NSMCE2: variants seen among roughly 807,000 people sequenced by gnomAD.
The protein encoded by NSMCE2 is NSE2 SUMO ligase component of SMC5/6 complex.
A neutral mutation model predicts 23.8 loss-of-function variants in NSMCE2; 24 were observed. The ratio of observed to expected loss-of-function variants is 1.01; its 90% CI spans 0.73 to 1.42. NSMCE2 has a LOEUF of 1.42. Ranked by LOEUF, NSMCE2 falls within the 40% of genes most tolerant of loss-of-function variation. The pLI, the probability that NSMCE2 is intolerant of heterozygous loss-of-function variation, is 0.00. For missense variants in NSMCE2, 284 were observed against 296.5 expected, an observed-to-expected ratio of 0.96 and a Z score of 0.31; for synonymous variants, 92 against 94.1, an observed-to-expected ratio of 0.98 and a Z score of 0.13.
At chr8:125,113,393 C>T (rs1156326371) in intron 3 of NSMCE2, among the ~76,000 whole-genome samples, 2 of 152,044 alleles carry the variant, frequency 1.3e-5, no homozygotes, top group African/African-American at 4.8e-5. Context: ...GAGGCTGAGG[C>T]AGGAGAAGCC....
At chr8:125,123,232 C>T (rs183137858) in intron 3 of NSMCE2, among the ~76,000 whole-genome samples, 1 of 152,246 alleles carries the variant, frequency 6.6e-6, no homozygotes, top group East Asian at 1.9e-4. Flanking sequence ...ACTGAAAAAT[C>T]TTACCTATAA....
At chr8:125,279,399 A>G (rs1484642057) in intron 5 of NSMCE2, among the ~76,000 whole-genome samples, 2 of 152,238 alleles carry the variant, frequency 1.3e-5, no homozygotes, top group Non-Finnish European at 2.9e-5. Context: ...TGATAATGAT[A>G]ATGACCATAC....
At chr8:125,144,985 T>C (rs1350228145) in intron 3 of NSMCE2, among the ~76,000 whole-genome samples, 1 of 152,198 alleles carries the variant, frequency 6.6e-6, no homozygotes, top group Non-Finnish European at 1.5e-5. Flanking sequence ...TGCATAATTA[T>C]AGGTTTGTTT....
At chr8:125,221,048 G>A (rs188458691) in intron 5 of NSMCE2, among the ~76,000 whole-genome samples, 56 of 152,278 alleles carry the variant, frequency 3.7e-4, no homozygotes, top group African/African-American at 1.3e-3. Flanking sequence ...CAGTCCTGCA[G>A]TAGCATTCCC....
chr8:125,274,582 T>G (rs1162152778), intron 5 of NSMCE2, among the ~76,000 whole-genome samples: 1 of 152,182 alleles, frequency 6.6e-6, no homozygotes, highest in African/African-American at 2.4e-5. Context: ...CATTATTTTC[T>G]AGGTAGGAGA....
At chr8:125,316,499 TAGGAACTATGTTATGATC>T (rs1829182306) in intron 5 of NSMCE2, among the ~76,000 whole-genome samples, 1 of 152,262 alleles carries the variant, frequency 6.6e-6, no homozygotes, top group Non-Finnish European at 1.5e-5. Context: ...CTCCAGACTT[TAGGAACTATGTTATGATC>T]AACCAGCAGG....
At chr8:125,215,916 C>T (rs1158414074) in intron 5 of NSMCE2, among the ~76,000 whole-genome samples, 1 of 152,214 alleles carries the variant, frequency 6.6e-6, no homozygotes, top group Non-Finnish European at 1.5e-5. Flanking sequence ...GACCCTGTCT[C>T]TACAAGAATT....
chr8:125,307,286 A>C lies in NSMCE2; in HGVS notation c.419-49933A>C, dbSNP rs914448647. Reference sequence around the variant, plus strand: ...CTATGTTTAGAAATCTTCCAGGAGCAGTCTGGGAAGATAGCTGAAAGCATG... The same window carrying C: ...CTATGTTTAGAAATCTTCCAGGAGCCGTCTGGGAAGATAGCTGAAAGCATG... On this transcript the variant is annotated intron_variant, in intron 5 of 7. Coordinates refer to ENST00000287437, the MANE Select transcript of NSMCE2 (RefSeq NM_173685.4). 2.6e-5 allele frequency among the ~76,000 whole-genome samples: 4 copies of C among 152,236 alleles called. No homozygotes were observed. The East Asian group carries it at 7.7e-4, about 29-fold the overall frequency.
At chr8:125,137,817 G>A (rs1409535565) in intron 3 of NSMCE2, among the ~76,000 whole-genome samples, 1 of 152,146 alleles carries the variant, frequency 6.6e-6, no homozygotes, top group Non-Finnish European at 1.5e-5. Context: ...CTCTGAGCCT[G>A]TATTTTCTTT....
At chr8:125,158,692 T>G (rs1821447633) in intron 4 of NSMCE2, among the ~76,000 whole-genome samples, 1 of 151,832 alleles carries the variant, frequency 6.6e-6, no homozygotes, top group Admixed American at 6.5e-5. Context: ...AAACCTTTAT[T>G]TTAGATGTCA....
intron 5 of NSMCE2, among the ~76,000 whole-genome samples, chr8:125,196,686 G>A (rs1392140366): frequency 6.6e-6 from 1 of 152,222 alleles, no homozygotes; most frequent in Non-Finnish European, 1.5e-5. Context: ...CTTTACGGTA[G>A]CATGATTTAT....
intron 5 of NSMCE2, among the ~76,000 whole-genome samples, chr8:125,208,388 GA>G (rs1824197491): frequency 6.6e-6 from 1 of 152,120 alleles, no homozygotes; most frequent in Non-Finnish European, 1.5e-5. Context: ...TAGGAATAGA[GA>G]AAAAGAAACA....
chr8:125,139,462 A>G (rs959547057), intron 3 of NSMCE2, among the ~76,000 whole-genome samples: 12 of 152,166 alleles, frequency 7.9e-5, no homozygotes, highest in Non-Finnish European at 1.6e-4. Flanking sequence ...GGTAATTTAT[A>G]AAGGAAAGAG....
chr8:125,110,359 C>G (rs1818670308), intron 3 of NSMCE2, among the ~76,000 whole-genome samples: 1 of 152,152 alleles, frequency 6.6e-6, no homozygotes, highest in African/African-American at 2.4e-5. Flanking sequence ...GATTTCGGAG[C>G]TATAGGGCAG....
chr8:125,269,770 C>T (rs935741636), intron 5 of NSMCE2, among the ~76,000 whole-genome samples: 1 of 152,198 alleles, frequency 6.6e-6, no homozygotes, highest in Non-Finnish European at 1.5e-5. Flanking sequence ...AATAATAGGT[C>T]ATCCTGAATC....
In NSMCE2 at chr8:125,306,659, A is replaced by G. The variant is rs565353634; in HGVS notation, c.419-50560A>G. 3.9e-5 allele frequency among the ~76,000 whole-genome samples: 6 copies of G among 152,344 alleles called. No homozygotes were observed. In the South Asian group the frequency reaches 1.0e-3, roughly 26 times the overall value. ...CAGAACAGAGAATTCCCAAGCCTTC[A>G]TATTGCACAGTGAATAACCCAGTCT... is the stretch of plus-strand genomic sequence containing the variant. On this transcript the variant is annotated intron_variant, in intron 5 of 7. Coordinates refer to ENST00000287437, the MANE Select transcript of NSMCE2 (RefSeq NM_173685.4).
chr8:125,173,805 AG>A (rs1159248230), intron 4 of NSMCE2, among the ~76,000 whole-genome samples: 4 of 152,242 alleles, frequency 2.6e-5, no homozygotes, highest in Admixed American at 2.6e-4. Flanking sequence ...GCACAAGCAA[AG>A]TAAAACATTT....
At chr8:125,299,815 T>TG in intron 5 of NSMCE2, among the ~76,000 whole-genome samples, 1 of 124,058 alleles carries the variant, frequency 8.1e-6, no homozygotes. Context: ...TTTTTTTTTT[T>TG]TTTTTTTTTT....
chr8:125,360,506 T>C (rs555018027), intron 7 of NSMCE2, among the ~76,000 whole-genome samples: 4 of 152,046 alleles, frequency 2.6e-5, no homozygotes, highest in East Asian at 1.9e-4. Context: ...AAAAACACTT[T>C]GTTGACCAAT....
Sources: gnomAD v4.1 joint callset for allele counts (sites outside exome capture counted in the v4.1 genomes callset) on GRCh38, gnomAD v4.1.1 for gene constraint, MANE v1.5 for transcripts, NCBI Gene and HGNC (gene_info 2026-07-23, HGNC 2026-07-21) for gene names.